The following ANKEF1 variants were observed in gnomAD, a reference collection of about 807,000 sequenced individuals.
The protein encoded by ANKEF1 is ankyrin repeat and EF-hand domain containing 1, also known as ankyrin repeat and EF-hand domain-containing protein 1.
ANKEF1 carries 43 observed loss-of-function variants against 65.1 expected under a neutral mutation model. The ratio of observed to expected loss-of-function variants is 0.66; its 90% confidence interval spans 0.52 to 0.85. The LOEUF is 0.85. Ranked by LOEUF, ANKEF1 falls within the 40% of genes least tolerant of loss-of-function variation. The pLI, the probability that ANKEF1 is intolerant of heterozygous loss-of-function variation, is 0.00. For missense variants in ANKEF1, 934 were observed against 952.9 expected (o/e 0.98, Z 0.26); for synonymous variants, 316 against 341.5 (o/e 0.93, Z 0.82).
At chr20:10,039,874 C>T (rs549889371) in intron 3 of ANKEF1, among the ~76,000 whole-genome samples, 74 of 152,116 alleles carry the variant, frequency 4.9e-4, no homozygotes, top group African/African-American at 1.6e-3. Context: ...TCTTATATGC[C>T]TGGAGTTTTG....
rs1320333454 is a variant in ANKEF1 at position 10,049,395 on chromosome 20, G to C, written c.826G>C (p.Asp276His). The C allele has an allele frequency of 6.2e-7, 1 of 1,609,318 alleles. No homozygotes were observed. Among genetic ancestry groups the C allele is most frequent in the Admixed American group, 1.7e-5 (1 of 59,012 alleles). The change falls in exon 7 of 11, where the codon GAC becomes CAC. Residue 276 changes from aspartate (D) to histidine (H), a missense_variant. Coordinates refer to ENST00000378392, the MANE Select transcript of ANKEF1 (RefSeq NM_022096.6). ...AATGATGCTTTATGTTTTAGGATGTGACCTGAAATGGAAGAATTTAGATCA... is the reference window on the plus strand; with the variant it reads ...AATGATGCTTTATGTTTTAGGATGTCACCTGAAATGGAAGAATTTAGATCA... ...CCKYIAQRGCDLKWKNLDHKT... is the reference protein window; with the variant it reads ...CCKYIAQRGCHLKWKNLDHKT...
chr20:10,055,798 C>T lies in ANKEF1; in HGVS notation c.*138C>T. The stretch of plus-strand genomic sequence containing the variant: ...CAAGAATTTCTTTTTGCTTTAACAA[C>T]TATAAATATTCTTAGCTGTCTAGAG... On this transcript the variant is annotated 3_prime_UTR_variant, in exon 11 of 11. Transcript: ENST00000378392. 1 of 771,218 alleles carries T rather than the reference C, an allele frequency of 1.3e-6. No homozygotes were observed. The highest frequency in any genetic ancestry group is 2.1e-6 in the Non-Finnish European group (1 of 481,998). The allele number at this position is 771,218 out of a possible 1,614,324, so 47.8% of individuals were successfully genotyped here.
At chr20:10,050,402 T>A (rs182141058) in intron 7 of ANKEF1, among the ~76,000 whole-genome samples, 190 bp downstream of exon 7, 270 of 152,310 alleles carry the variant, frequency 1.8e-3, no homozygotes, top group African/African-American at 6.1e-3. Context: ...TATTAAAGAA[T>A]GCTTTATTAA....
chr20:10,051,150 G>A (rs669985), intron 7 of ANKEF1, among the ~76,000 whole-genome samples: 148,914 of 152,284 alleles, frequency 0.98, 72,823 homozygotes, highest in East Asian at 1. Flanking sequence ...TAACACAGTA[G>A]TTACATACTT....
chr20:10,054,488 A>G lies in ANKEF1; in HGVS notation c.2061A>G (p.Val687=). ...EEELLSSIYG[V]PTTSEGKKVQ... is the part of the protein sequence containing the mutation. ...AACTGCTGTCATCAATTTATGGTGT[A>G]CCAACCACATCAGAGGGAAAGAAAG... The change falls in exon 10 of 11, where the codon GTA becomes GTG. Residue 687 remains valine (V), a synonymous_variant. Transcript: ENST00000378392. 6.3e-7 allele frequency: 1 copy of G among 1,599,326 alleles called. No homozygotes were observed. The highest frequency in any genetic ancestry group is 8.5e-7 in the Non-Finnish European group (1 of 1,174,924).
At chr20:10,040,223 G>A (rs2122226001) in intron 3 of ANKEF1, among the ~76,000 whole-genome samples, 1 of 152,342 alleles carries the variant, frequency 6.6e-6, no homozygotes, top group Non-Finnish European at 1.5e-5. Context: ...AGAGTACATT[G>A]TCTCTTCCCA....
Position 10,049,495 on chromosome 20 carries a change from TC to T in ANKEF1, c.927del (p.Ile309MetfsTer5). On this transcript the variant is annotated frameshift_variant, in exon 7 of 11. Transcript: ENST00000378392. LOFTEE classifies it high-confidence loss of function. ...AAAGAAATACGCCGAGCAGAGAGAA[TC>T]GCTAATAAACTAGCCAGGCCAGGAG... is the stretch of plus-strand genomic sequence containing the variant. ...ASKEIRRAER[I>X]ANKLARPGAK... is the part of the protein sequence containing the mutation. 8 of 1,614,098 alleles carry T rather than the reference TC, an allele frequency of 5.0e-6. No homozygotes were observed. Among genetic ancestry groups the T allele is most frequent in the Non-Finnish European group, 5.9e-6 (7 of 1,180,006 alleles).
chr20:10,050,037 G>A lies in ANKEF1; in HGVS notation c.1468G>A (p.Glu490Lys). The A allele has an allele frequency of 1.9e-6, 3 of 1,614,162 alleles. No homozygotes were observed. The South Asian group carries it at 3.3e-5, about 18-fold the overall frequency. ...DDSVWYIDDS[E>K]KVFSNINIIT... is the part of the protein sequence containing the mutation. ...CTCTGTTTGGTACATTGATGATTCAGAGAAGGTATTTTCAAACATTAATAT... is the reference window on the plus strand; with the variant it reads ...CTCTGTTTGGTACATTGATGATTCAAAGAAGGTATTTTCAAACATTAATAT... The change falls in exon 7 of 11, where the codon GAG becomes AAG. Residue 490 changes from glutamate (E) to lysine (K), a missense_variant. Transcript: ENST00000378392.
In ANKEF1 at chr20:10,049,453, G is replaced by A. The variant is rs941022745; in HGVS notation, c.884G>A (p.Gly295Asp). ...CCCAGGGCTGTGGCTAAGGAAGGCG[G>A]CTTCAAAGCAGCAAGCAAAGAAATA... ...KTPRAVAKEG[G>D]FKAASKEIRR... The change falls in exon 7 of 11, where the codon GGC (glycine) becomes GAC (aspartate). Residue 295 changes from glycine (G) to aspartate (D), a missense_variant. Transcript: ENST00000378392. 1.2e-6 allele frequency: 2 copies of A among 1,614,156 alleles called. No individual in the cohort carries two copies. Among genetic ancestry groups the A allele is most frequent in the Non-Finnish European group, 1.7e-6 (2 of 1,180,014 alleles).
Position 10,053,180 on chromosome 20 carries a change from C to A in ANKEF1, c.1939C>A (p.Leu647Ile), listed in dbSNP as rs755967821. Residue 647 changes from leucine (L) to isoleucine (I), a missense_variant, in exon 9 of 11, where the codon CTA becomes ATA. Physicochemically the swap from Leu to Ile is conservative, Grantham distance 5. Transcript: ENST00000378392. ...YRIIDLIKEK[L>I]DNLPKPAENQ... ...AATAATTGATCTGATTAAAGAAAAG[C>A]TAGATAACTTGCCGAAACCAGCAGA... 24 of 1,613,436 alleles carry A rather than the reference C, an allele frequency of 1.5e-5. No individual in the cohort carries two copies. The highest frequency in any genetic ancestry group is 1.9e-5 in the Non-Finnish European group (23 of 1,179,702).
At chr20:10,047,157 T>G (rs943481209) in intron 6 of ANKEF1, among the ~76,000 whole-genome samples, 1 of 152,232 alleles carries the variant, frequency 6.6e-6, no homozygotes, top group South Asian at 2.1e-4. Context: ...ATCATTTATG[T>G]ATTCCTGGAA....
Position 10,038,280 on chromosome 20 carries a change from AT to A in ANKEF1, c.-18del, listed in dbSNP as rs779338616. 1 of 1,404,902 alleles carries A rather than the reference AT, an allele frequency of 7.1e-7. No individual in the cohort carries two copies. The highest frequency in any genetic ancestry group is 9.4e-7 in the Non-Finnish European group (1 of 1,067,556). 87.0% of individuals were successfully genotyped at this position (1,404,902 alleles called of 1,614,324 possible). ...CAGCTTTAGTTTTGGTCCAGAAAGC[AT>A]TTTCAAGGAGCTGGTCAAGCATGGC... On this transcript the variant is annotated 5_prime_UTR_variant, in exon 3 of 11. Transcript: ENST00000378392.
chr20:10,055,037 C>T (rs1165998319), intron 10 of ANKEF1, among the ~76,000 whole-genome samples: 2 of 152,180 alleles, frequency 1.3e-5, no homozygotes, highest in African/African-American at 2.4e-5. Context: ...GAGGTGGAGA[C>T]ATCTTTTGGA....
intron 2 of ANKEF1, 37 bp from the exon 3 acceptor site, chr20:10,038,221 A>G (rs1983969265): frequency 2.3e-6 from 2 of 880,604 alleles, no homozygotes. Context: ...AGATGATAAA[A>G]TTAACTTTGA....
At chr20:10,046,696 A>G (rs924168997) in intron 6 of ANKEF1, among the ~76,000 whole-genome samples, 6 of 152,196 alleles carry the variant, frequency 3.9e-5, no homozygotes, top group Admixed American at 6.5e-5. Flanking sequence ...AGAACTGTAT[A>G]TATTTTTTCT....
intron 6 of ANKEF1, among the ~76,000 whole-genome samples, chr20:10,048,618 A>G (rs537054443): frequency 3.2e-4 from 48 of 152,306 alleles, no homozygotes; most frequent in Non-Finnish European, 6.3e-4. Context: ...TTACTTATAC[A>G]TATACTTATT....
intron 1 of ANKEF1, 29 bp from the exon 2 acceptor site, chr20:10,035,550 G>A (rs1983790389): frequency 6.6e-6 from 1 of 152,234 alleles, no homozygotes; most frequent in African/African-American, 2.4e-5. Flanking sequence ...TGTTTTACAA[G>A]GATCATATCT....
At position 10,043,160 on chromosome 20, in the gene ANKEF1, T is replaced by C. The variant is rs1406702842; in HGVS notation, c.385T>C (p.Tyr129His). 1 of 1,614,202 alleles carries C rather than the reference T, an allele frequency of 6.2e-7. No individual in the cohort carries two copies. Among genetic ancestry groups the C allele is most frequent in the East Asian group, 2.2e-5 (1 of 44,874 alleles). The change falls in exon 4 of 11, where the codon TAT (tyrosine) becomes CAT (histidine). Residue 129 changes from tyrosine (Y) to histidine (H), a missense_variant. Coordinates refer to ENST00000378392, the MANE Select transcript of ANKEF1 (RefSeq NM_022096.6). ...FYCILPTKRH[Y>H]RCALIALEHG... is the part of the protein sequence containing the mutation. ...CTGCATTTTACCGACTAAGCGGCAT[T>C]ATCGCTGTGCTCTGATCGCCCTTGA...
At position 10,050,309 on chromosome 20, in the gene ANKEF1, T is replaced by A. The variant is rs1984780418; in HGVS notation, c.1643+97T>A. On this transcript the variant is annotated intron_variant, in intron 7 of 10. Transcript: ENST00000378392. The stretch of plus-strand genomic sequence containing the variant: ...GAATTTTAGTAATATAGAAAAGTGC[T>A]ACTTTATTAAAGTCTATAATAAGGC... The A allele has an allele frequency of 1.1e-5, 11 of 959,572 alleles. No homozygotes were observed. The South Asian group carries it at 1.9e-4, about 17-fold the overall frequency. 59.4% of individuals were successfully genotyped at this position (959,572 alleles called of 1,614,324 possible).
Sources: allele counts gnomAD v4.1 joint callset (sites outside exome capture counted in the v4.1 genomes callset), GRCh38; gene constraint gnomAD v4.1.1; transcripts MANE v1.5; gene names NCBI Gene and HGNC (gene_info 2026-07-23, HGNC 2026-07-21).